Variants in ANO10 observed in about 807,000 individuals in gnomAD.
The protein encoded by ANO10 is anoctamin-10.
ANO10 carries 77 observed loss-of-function variants against 74.7 expected under a neutral mutation model. The ratio of observed to expected loss-of-function variants is 1.03; its 90% CI spans 0.86 to 1.25. The LOEUF is 1.25. Ranked by LOEUF, ANO10 falls within the 50% of genes most tolerant of loss-of-function variation. ANO10 has a pLI of 0.00. For synonymous variants in ANO10, 279 were observed against 284.9 expected (o/e 0.98, Z 0.21); for missense variants, 721 against 778.1 (o/e 0.93, Z 0.87).
chr3:43,644,560 C>T (rs1482151063), intron 1 of ANO10, among the ~76,000 whole-genome samples: 1 of 152,230 alleles, frequency 6.6e-6, no homozygotes, highest in East Asian at 1.9e-4. Context: ...GCCTGCTCTC[C>T]TCCACAAGGC....
At chr3:43,407,033 A>G (rs1243465399) in intron 12 of ANO10, among the ~76,000 whole-genome samples, 1 of 151,844 alleles carries the variant, frequency 6.6e-6, no homozygotes, top group East Asian at 1.9e-4. Flanking sequence ...CCTCCCAAGT[A>G]GCTGGGACTA....
chr3:43,572,790 G>A (rs903609693), intron 7 of ANO10, among the ~76,000 whole-genome samples: 1 of 152,170 alleles, frequency 6.6e-6, no homozygotes, highest in Non-Finnish European at 1.5e-5. Context: ...GTGTACAGGT[G>A]TGAGTGCTTA....
At chr3:43,494,839 C>T (rs1384989847) in intron 11 of ANO10, among the ~76,000 whole-genome samples, 1 of 152,050 alleles carries the variant, frequency 6.6e-6, no homozygotes, top group Admixed American at 6.5e-5. Flanking sequence ...AGTGTTATTC[C>T]TTCCAAAATT....
At chr3:43,506,966 C>T (rs1399233102) in intron 11 of ANO10, among the ~76,000 whole-genome samples, 1 of 152,190 alleles carries the variant, frequency 6.6e-6, no homozygotes. Flanking sequence ...GGTTTTCCTT[C>T]CTTTTGTTCA....
intron 12 of ANO10, among the ~76,000 whole-genome samples, chr3:43,376,517 C>T (rs904963755): frequency 1.3e-5 from 2 of 152,038 alleles, no homozygotes; most frequent in East Asian, 1.9e-4. Context: ...TAATTATATA[C>T]GAAAGCTACA....
At chr3:43,439,056 T>C (rs2093119918) in intron 11 of ANO10, among the ~76,000 whole-genome samples, 1 of 151,972 alleles carries the variant, frequency 6.6e-6, no homozygotes, top group South Asian at 2.1e-4. Context: ...GTGACTAAGA[T>C]GAGCCCAAAG....
At chr3:43,639,273 A>T (rs76121119) in intron 1 of ANO10, among the ~76,000 whole-genome samples, 257 of 152,280 alleles carry the variant, frequency 1.7e-3, no homozygotes, top group African/African-American at 6.0e-3. Context: ...GCGTCAAAGA[A>T]TTTCACATTT....
intron 11 of ANO10, among the ~76,000 whole-genome samples, chr3:43,454,234 C>A (rs2075023578): frequency 6.6e-6 from 1 of 152,106 alleles, no homozygotes; most frequent in South Asian, 2.1e-4. Flanking sequence ...GAATGGATTG[C>A]AAGAACGTTG....
chr3:43,641,347 G>C (rs1285895033), intron 1 of ANO10, among the ~76,000 whole-genome samples: 3 of 152,128 alleles, frequency 2.0e-5, no homozygotes, highest in Non-Finnish European at 4.4e-5. Context: ...CCAAATCACT[G>C]TTTACAGTAG....
At chr3:43,368,054 G>T (rs2091472178) in intron 12 of ANO10, among the ~76,000 whole-genome samples, 1 of 152,106 alleles carries the variant, frequency 6.6e-6, no homozygotes, top group Non-Finnish European at 1.5e-5. Context: ...GGATCCTTTA[G>T]ATCTGCAGCA....
At chr3:43,658,261 A>G (rs2083879369) in intron 1 of ANO10, among the ~76,000 whole-genome samples, 1 of 152,214 alleles carries the variant, frequency 6.6e-6, no homozygotes, top group African/African-American at 2.4e-5. Flanking sequence ...GAGAAAGGCC[A>G]TAATCTAATA....
rs1553677035 is a variant in ANO10 at position 43,466,384 on chromosome 3, A to AC, written c.1798-33658_1798-33657insG. On this transcript the variant is annotated intron_variant, in intron 11 of 12. Transcript: ENST00000292246. ...GACTCCATCTCAAAAAAAAAAAAAA[A>AC]AAACAAACAAAAAAACCAGTAATCA... 5.9e-3 allele frequency among the ~76,000 whole-genome samples: 225 copies of AC among 38,054 alleles called. 2 individuals carry two copies. Among genetic ancestry groups the AC allele is most frequent in the South Asian group, 0.022 (14 of 640 alleles). 25.0% of individuals were successfully genotyped at this position (38,054 alleles called of 152,430 possible).
intron 1 of ANO10, among the ~76,000 whole-genome samples, chr3:43,652,706 T>C (rs2083801443): frequency 6.6e-6 from 1 of 152,142 alleles, no homozygotes; most frequent in Non-Finnish European, 1.5e-5. Context: ...GAAGAAAGTA[T>C]AGTTGAATAT....
intron 4 of ANO10, among the ~76,000 whole-genome samples, chr3:43,597,897 G>A (rs1423039668): frequency 6.6e-6 from 1 of 151,872 alleles, no homozygotes; most frequent in African/African-American, 2.4e-5. Flanking sequence ...CATTCTGAGT[G>A]ACAGAGCAAG....
At chr3:43,397,529 A>G (rs1413034899) in intron 12 of ANO10, among the ~76,000 whole-genome samples, 1 of 152,188 alleles carries the variant, frequency 6.6e-6, no homozygotes, top group Non-Finnish European at 1.5e-5. Context: ...AGCAGATCTC[A>G]GTCCACAACT....
chr3:43,577,374 T>G, intron 5 of ANO10, 113 bp from the exon 6 acceptor site: 1 of 1,043,994 alleles, frequency 9.6e-7, no homozygotes, highest in Non-Finnish European at 1.4e-6. Flanking sequence ...AACCCTCACT[T>G]CCCAAACAGC....
intron 11 of ANO10, among the ~76,000 whole-genome samples, chr3:43,533,374 T>C (rs2078559559): frequency 6.6e-6 from 1 of 152,242 alleles, no homozygotes; most frequent in Non-Finnish European, 1.5e-5. Flanking sequence ...AGTATACTTA[T>C]ATCACATGTA....
intron 1 of ANO10, among the ~76,000 whole-genome samples, chr3:43,673,123 CAAT>C (rs1485092391): frequency 1.3e-5 from 2 of 152,198 alleles, no homozygotes; most frequent in African/African-American, 2.4e-5. Context: ...AGTGTGGAAT[CAAT>C]GATGGGTGAA....
chr3:43,534,978 CTTT>C (rs576349934), intron 11 of ANO10, among the ~76,000 whole-genome samples: 2 of 144,104 alleles, frequency 1.4e-5, no homozygotes, highest in Non-Finnish European at 1.5e-5. Flanking sequence ...AGATTTTTTT[CTTT>C]TTTTTTTTTT....
Sources: gnomAD v4.1 joint callset for allele counts (sites outside exome capture counted in the v4.1 genomes callset) on GRCh38, gnomAD v4.1.1 for gene constraint, MANE v1.5 for transcripts, NCBI Gene and HGNC (gene_info 2026-07-23, HGNC 2026-07-21) for gene names.